The following ANO3 variants were observed in gnomAD, a reference collection of about 807,000 sequenced individuals.
ANO3 encodes the protein anoctamin-3.
In ANO3, 99 loss-of-function variants were observed where a neutral mutation model predicts 144.8. The ratio of observed to expected loss-of-function variants is 0.68; its 90% CI spans 0.58 to 0.81. ANO3 has a LOEUF of 0.81. Among genes scored for constraint, ANO3 ranks in the 30% least tolerant of loss-of-function variants. The pLI is 0.00. For synonymous variants in ANO3, 414 were observed against 392.6 expected (o/e 1.05, Z -0.64); for missense variants, 905 against 1,202.2 (o/e 0.75, Z 3.66).
rs543691385 is a variant in ANO3 at position 26,256,888 on chromosome 11, T to A, written c.155-52757T>A. On this transcript the variant is annotated intron_variant, in intron 1 of 27. Transcript: ENST00000672621. ...ATATTTGAAAATATCTGTGGTTATT[T>A]TTGGTTGTTACCACAGGAAAGGCAG... Among the ~76,000 whole-genome samples the A allele has an allele frequency of 1.8e-4, 27 of 152,232 alleles. No individual in the cohort carries two copies. The South Asian group carries it at 5.2e-3, about 29-fold the overall frequency.
rs201877951 is a variant in ANO3, at chr11:26,598,894, A to G, written c.1567A>G (p.Lys523Glu). Residue 523 changes from lysine (K) to glutamate (E), a missense_variant, in exon 16 of 27, where the codon AAG becomes GAG. Lys to Glu is a moderately conservative substitution (Grantham distance 56, BLOSUM62 1). This residue lies in a region of ANO3 where 597 missense variants were observed against 865.1 expected (regional missense o/e 0.69). Transcript: ENST00000256737. ...LRPQFEAKYY[K>E]MEIVNPITGK... The stretch of plus-strand genomic sequence containing the variant: ...TCCCCAGTTTGAAGCCAAGTATTAC[A>G]AGATGGAGATTGTAAATCCCATCAC... 8.7e-6 allele frequency: 14 copies of G among 1,614,020 alleles called. No homozygotes were observed. The East Asian group carries it at 3.1e-4, about 36-fold the overall frequency.
At chr11:26,274,485 A>T (rs1276113839) in intron 1 of ANO3, among the ~76,000 whole-genome samples, 1 of 152,136 alleles carries the variant, frequency 6.6e-6, no homozygotes, top group Non-Finnish European at 1.5e-5. Flanking sequence ...GAATGAAAAA[A>T]AACCTTTGTT....
intron 1 of ANO3, among the ~76,000 whole-genome samples, chr11:26,194,943 A>C (rs928089494): frequency 6.6e-6 from 1 of 152,244 alleles, no homozygotes; most frequent in African/African-American, 2.4e-5. Flanking sequence ...CATAGTAAAG[A>C]GATATCTCTC....
intron 6 of ANO3, among the ~76,000 whole-genome samples, chr11:26,518,758 T>G (rs951924941): frequency 6.6e-6 from 1 of 151,862 alleles, no homozygotes; most frequent in African/African-American, 2.4e-5. Flanking sequence ...GAATATTAAA[T>G]ATAAAATTTT....
chr11:26,573,609 A>G (rs1850910044), intron 14 of ANO3, among the ~76,000 whole-genome samples: 1 of 152,164 alleles, frequency 6.6e-6, no homozygotes, highest in Non-Finnish European at 1.5e-5. Context: ...CATAGTAATT[A>G]TGGCTTATAC....
rs968132339 is a variant in ANO3, at chr11:26,455,509, T to C, written c.314-7521T>C. 9.9e-5 allele frequency among the ~76,000 whole-genome samples: 15 copies of C among 152,246 alleles called. 1 individual carries two copies. The highest frequency in any genetic ancestry group is 8.5e-4 in the Admixed American group (13 of 15,300). On this transcript the variant is annotated intron_variant, in intron 3 of 26. Coordinates refer to ENST00000256737, the MANE Select transcript of ANO3 (RefSeq NM_031418.4). Reference sequence around the variant, plus strand: ...AGAATAAAATACCTAGGAATCCACCTTACAAGGGACGTGAAGTACATCTTC... The same window carrying C: ...AGAATAAAATACCTAGGAATCCACCCTACAAGGGACGTGAAGTACATCTTC...
At chr11:26,399,181 C>T (rs1269876550) in intron 1 of ANO3, among the ~76,000 whole-genome samples, 1 of 151,912 alleles carries the variant, frequency 6.6e-6, no homozygotes, top group African/African-American at 2.4e-5. Flanking sequence ...CCCCATGTTA[C>T]TTTCCTTCAT....
At chr11:26,580,809 A>G (rs1309495008) in intron 14 of ANO3, among the ~76,000 whole-genome samples, 3 of 152,230 alleles carry the variant, frequency 2.0e-5, no homozygotes, top group African/African-American at 4.8e-5. Flanking sequence ...ACCAATGCAA[A>G]GATTTATATC....
chr11:26,405,889 T>A (rs1214242684), intron 1 of ANO3, among the ~76,000 whole-genome samples: 2 of 151,838 alleles, frequency 1.3e-5, no homozygotes, highest in Non-Finnish European at 2.9e-5. Flanking sequence ...CACTCTGAAA[T>A]TTCATAAGGT....
intron 14 of ANO3, among the ~76,000 whole-genome samples, chr11:26,569,544 C>G (rs995204309): frequency 4.6e-5 from 7 of 151,996 alleles, no homozygotes; most frequent in African/African-American, 1.7e-4. Flanking sequence ...AGAACCCCAC[C>G]ATGAAATTTT....
rs540039119 is a variant in ANO3, at chr11:26,657,447, G to A, written c.2763+966G>A. Among the ~76,000 whole-genome samples the A allele has an allele frequency of 8.0e-4, 121 of 152,174 alleles. 1 individual carries two copies. Among genetic ancestry groups the A allele is most frequent in the Middle Eastern group, 3.4e-3 (1 of 294 alleles). ...CGGTGATTAAAAAAACTTCTGTTGT[G>A]TTTTTATTTACACTTCTCCCCCCAT... On this transcript the variant is annotated intron_variant, in intron 26 of 26. Coordinates refer to ENST00000256737, the MANE Select transcript of ANO3 (RefSeq NM_031418.4).
intron 1 of ANO3, among the ~76,000 whole-genome samples, chr11:26,435,194 G>C (rs752855473): frequency 6.6e-6 from 1 of 151,868 alleles, no homozygotes; most frequent in Non-Finnish European, 1.5e-5. Context: ...TTTTTGATCC[G>C]GATATGAAAT....
intron 14 of ANO3, among the ~76,000 whole-genome samples, chr11:26,580,204 TG>T (rs1851093856): frequency 1.3e-5 from 2 of 152,064 alleles, no homozygotes; most frequent in African/African-American, 4.8e-5. Flanking sequence ...GGGCTATATT[TG>T]TCTGCAAATT....
chr11:26,562,827 C>T (rs1250532280), intron 14 of ANO3, among the ~76,000 whole-genome samples: 1 of 151,840 alleles, frequency 6.6e-6, no homozygotes, highest in Admixed American at 6.6e-5. Context: ...AATGTCCTAC[C>T]ATTCATTATC....
chr11:26,433,427 T>A (rs1483731291), intron 1 of ANO3, among the ~76,000 whole-genome samples: 2 of 152,162 alleles, frequency 1.3e-5, no homozygotes, highest in Non-Finnish European at 2.9e-5. Context: ...CTTCCAATAC[T>A]ATGTTGAGTA....
At chr11:26,265,676 C>T (rs1853292601) in intron 1 of ANO3, among the ~76,000 whole-genome samples, 1 of 152,148 alleles carries the variant, frequency 6.6e-6, no homozygotes, top group Admixed American at 6.5e-5. Flanking sequence ...AGCATTATAG[C>T]CCTTCGGCAG....
intron 3 of ANO3, among the ~76,000 whole-genome samples, chr11:26,450,943 A>G (rs1255611806): frequency 6.6e-6 from 1 of 152,244 alleles, no homozygotes; most frequent in African/African-American, 2.4e-5. Context: ...TGTTGTGATC[A>G]TAATAGTCTG....
chr11:26,378,812 G>A (rs575147746), intron 1 of ANO3, among the ~76,000 whole-genome samples: 1 of 152,140 alleles, frequency 6.6e-6, no homozygotes, highest in African/African-American at 2.4e-5. Context: ...TCCAAGATAA[G>A]CTTTCCTGAT....
rs538003590 is a variant in ANO3, at chr11:26,484,216, A to C, written c.432+21068A>C. On this transcript the variant is annotated intron_variant, in intron 4 of 26. Transcript: ENST00000256737. The stretch of plus-strand genomic sequence containing the variant: ...AAAATTTGCAGCCTGACTGTGGTAG[A>C]AATGAAAAACTGATTTTCTTGGGGG... Among the ~76,000 whole-genome samples the C allele has an allele frequency of 7.2e-5, 11 of 152,312 alleles. No homozygotes were observed. In the East Asian group the frequency reaches 1.9e-3, roughly 27 times the overall value.
Sources: allele counts gnomAD v4.1 joint callset (sites outside exome capture counted in the v4.1 genomes callset), GRCh38; gene constraint gnomAD v4.1.1; regional missense constraint gnomAD v4.1.1; transcripts MANE v1.5; gene names NCBI Gene and HGNC (gene_info 2026-07-23, HGNC 2026-07-21).